The following CTNNA3 variants were observed in gnomAD, a reference collection of about 807,000 sequenced individuals.
CTNNA3 encodes catenin alpha 3.
In CTNNA3, 76 loss-of-function variants were observed where a neutral mutation model predicts 95.7. The observed-to-expected ratio is 0.79, with a 90% CI of 0.66 to 0.96. The LOEUF is 0.96. Among genes scored for constraint, CTNNA3 ranks in the 40% least tolerant of loss-of-function variants. The probability of loss-of-function intolerance (pLI) is 0.00; values close to 1 mark genes in which losing one functional copy is unlikely to be tolerated. For missense variants in CTNNA3, 1,191 were observed against 1,089.8 expected, an observed-to-expected ratio of 1.09 and a Z score of -1.31; for synonymous variants, 431 against 374.4, an observed-to-expected ratio of 1.15 and a Z score of -1.74.
At chr10:66,951,531 G>A (rs866000722) in intron 7 of CTNNA3, among the ~76,000 whole-genome samples, 7 of 152,052 alleles carry the variant, frequency 4.6e-5, no homozygotes, top group African/African-American at 1.4e-4. Context: ...CTCATATTCC[G>A]GATAGGGAAA....
intron 5 of CTNNA3, among the ~76,000 whole-genome samples, chr10:67,507,498 C>T (rs1353328907): frequency 6.7e-6 from 1 of 150,360 alleles, no homozygotes; most frequent in African/African-American, 2.5e-5. Context: ...CATGTCACTG[C>T]ACTTCCAGCC....
chr10:66,796,239 G>T (rs920912938), intron 7 of CTNNA3, among the ~76,000 whole-genome samples: 1 of 152,050 alleles, frequency 6.6e-6, no homozygotes, highest in Non-Finnish European at 1.5e-5. Flanking sequence ...AGAAACAGAT[G>T]TTTTACTCCT....
At chr10:66,850,662 AT>A (rs61392525) in intron 7 of CTNNA3, among the ~76,000 whole-genome samples, 4 of 150,880 alleles carry the variant, frequency 2.7e-5, no homozygotes, top group African/African-American at 7.3e-5. Context: ...TAAGACAACC[AT>A]TTTTTTTCAA....
intron 13 of CTNNA3, among the ~76,000 whole-genome samples, chr10:66,201,901 G>T (rs1225386280): frequency 1.4e-5 from 2 of 144,054 alleles, no homozygotes; most frequent in Non-Finnish European, 3.0e-5. Context: ...TGATTCTCTC[G>T]CCTCAGCCTC....
chr10:67,581,782 T>C (rs938632846), intron 3 of CTNNA3, among the ~76,000 whole-genome samples: 2 of 152,208 alleles, frequency 1.3e-5, no homozygotes, highest in Admixed American at 6.5e-5. Context: ...CCTGGTTTAG[T>C]CTTGGGAAGG....
rs151057692 is a variant in CTNNA3, at chr10:66,269,661, T to C, written c.1884+10809A>G. The stretch of plus-strand genomic sequence containing the variant: ...GATAATTTTGTGACTTTTTAGAGCT[T>C]ATAACACCAAGGGACTGATAATAGA... On this transcript the variant is annotated intron_variant, in intron 13 of 17. Transcript: ENST00000433211. Among the ~76,000 whole-genome samples, 3 of 152,316 alleles carry C rather than the reference T, an allele frequency of 2.0e-5. No homozygotes were observed. In the East Asian group the frequency reaches 5.8e-4, roughly 29 times the overall value.
chr10:66,935,442 T>A (rs1393943804), intron 7 of CTNNA3, among the ~76,000 whole-genome samples: 1 of 152,042 alleles, frequency 6.6e-6, no homozygotes, highest in Non-Finnish European at 1.5e-5. Flanking sequence ...GGATTTTGCC[T>A]AATGTATTCA....
chr10:67,385,618 A>T (rs1844124320), intron 5 of CTNNA3, among the ~76,000 whole-genome samples: 1 of 152,174 alleles, frequency 6.6e-6, no homozygotes. Flanking sequence ...GGAAGAAGGA[A>T]TCATATATAG....
intron 12 of CTNNA3, among the ~76,000 whole-genome samples, chr10:66,334,617 G>C (rs2092373258): frequency 6.6e-6 from 1 of 151,952 alleles, no homozygotes; most frequent in African/African-American, 2.4e-5. Flanking sequence ...AAGTCTGATG[G>C]GCTTCCCTTT....
At chr10:65,961,184 C>G (rs1482764687) in intron 17 of CTNNA3, among the ~76,000 whole-genome samples, 1 of 152,022 alleles carries the variant, frequency 6.6e-6, no homozygotes, top group Non-Finnish European at 1.5e-5. Context: ...GTGACTCTGT[C>G]TGCTCTGACC....
chr10:66,403,349 T>C lies in CTNNA3; in HGVS notation c.1532-23997A>G, dbSNP rs79992040. On this transcript the variant is annotated intron_variant, in intron 11 of 17. Transcript: ENST00000433211. ...CTATAAAGACATACCTGTGACCAGGTAATTGATAAAGAAGAATTGTAATTG... is the reference window on the plus strand; with the variant it reads ...CTATAAAGACATACCTGTGACCAGGCAATTGATAAAGAAGAATTGTAATTG... 2.7e-3 allele frequency among the ~76,000 whole-genome samples: 411 copies of C among 152,266 alleles called. 4 individuals carry two copies. The highest frequency in any genetic ancestry group is 9.3e-3 in the African/African-American group (386 of 41,566).
intron 11 of CTNNA3, among the ~76,000 whole-genome samples, chr10:66,398,667 C>T (rs975273657): frequency 2.0e-5 from 3 of 151,606 alleles, no homozygotes; most frequent in African/African-American, 7.3e-5. Flanking sequence ...AAACAGAACA[C>T]TTTTTTTTAG....
chr10:66,586,330 G>A (rs1303343636), intron 10 of CTNNA3, among the ~76,000 whole-genome samples: 1 of 152,074 alleles, frequency 6.6e-6, no homozygotes, highest in Non-Finnish European at 1.5e-5. Flanking sequence ...TGAAGTCCCA[G>A]CTTTGACAGA....
At chr10:67,621,012 G>A (rs1843826364) in intron 2 of CTNNA3, among the ~76,000 whole-genome samples, 1 of 150,802 alleles carries the variant, frequency 6.6e-6, no homozygotes. Context: ...AGGCATAGAA[G>A]GGGCACCATT....
intron 13 of CTNNA3, among the ~76,000 whole-genome samples, chr10:66,167,098 C>G (rs1255417759): frequency 6.6e-6 from 1 of 151,954 alleles, no homozygotes; most frequent in Non-Finnish European, 1.5e-5. Flanking sequence ...CTTTCACAAA[C>G]AAAATAGTCA....
intron 7 of CTNNA3, among the ~76,000 whole-genome samples, chr10:67,032,131 T>C (rs1853765590): frequency 6.6e-6 from 1 of 152,176 alleles, no homozygotes; most frequent in Non-Finnish European, 1.5e-5. Flanking sequence ...GTTTCCACTT[T>C]ATATGTGAGA....
At chr10:66,360,662 C>T (rs71492495) in intron 12 of CTNNA3, among the ~76,000 whole-genome samples, 7,654 of 26,400 alleles carry the variant, frequency 0.29, 804 homozygotes, top group East Asian at 0.42. Context: ...TTTCTTTCTT[C>T]CTTCCTTCCT....
chr10:67,459,567 T>G (rs1847300887), intron 5 of CTNNA3, among the ~76,000 whole-genome samples: 1 of 152,228 alleles, frequency 6.6e-6, no homozygotes, highest in Admixed American at 6.5e-5. Context: ...GTAACACTTC[T>G]GTTGGACATG....
At chr10:67,008,777 C>G (rs894584240) in intron 7 of CTNNA3, among the ~76,000 whole-genome samples, 11 of 152,176 alleles carry the variant, frequency 7.2e-5, no homozygotes, top group African/African-American at 2.7e-4. Context: ...GGATTCAAAA[C>G]AGCAAAATAA....
Sources: gnomAD v4.1 joint callset for allele counts (sites outside exome capture counted in the v4.1 genomes callset) on GRCh38, gnomAD v4.1.1 for gene constraint, MANE v1.5 for transcripts, NCBI Gene and HGNC (gene_info 2026-07-23, HGNC 2026-07-21) for gene names.